The following NCKAP5 variants were observed in gnomAD, a reference collection of about 807,000 sequenced individuals.
NCKAP5 encodes NCK associated protein 5, also known as nck-associated protein 5.
A neutral mutation model predicts 167.0 loss-of-function variants in NCKAP5; 92 were observed. The ratio of observed to expected loss-of-function variants is 0.55; its 90% CI spans 0.47 to 0.66. The LOEUF (loss-of-function observed/expected upper bound fraction) is 0.66, where lower values mean the gene tolerates loss of function less well. NCKAP5 is among the 30% of genes least tolerant of loss of function. The pLI is 0.00. For missense variants in NCKAP5, 2,378 were observed against 2,315.0 expected, an observed-to-expected ratio of 1.03 and a Z score of -0.56; for synonymous variants, 891 against 877.4, an observed-to-expected ratio of 1.02 and a Z score of -0.27.
At chr2:133,100,980 A>G (rs533247229) in intron 6 of NCKAP5, among the ~76,000 whole-genome samples, 2,291 of 152,004 alleles carry the variant, frequency 0.015, 73 homozygotes, top group African/African-American at 0.053. Context: ...CCTTGCCCAC[A>G]CCTATGTCCT....
chr2:133,605,494 C>T, the NCKAP5 span, among the ~76,000 whole-genome samples: 1 of 152,080 alleles, frequency 6.6e-6, no homozygotes, highest in African/African-American at 2.4e-5. Flanking sequence ...GGGGAAGGGA[C>T]ACAGAGGAGA....
intron 5 of NCKAP5, among the ~76,000 whole-genome samples, chr2:133,185,916 T>G (rs2084927587): frequency 6.6e-6 from 1 of 152,126 alleles, no homozygotes; most frequent in South Asian, 2.1e-4. Flanking sequence ...GAGAGATAGT[T>G]TGACTTCTTC....
At chr2:133,607,708 A>C in the NCKAP5 span, among the ~76,000 whole-genome samples, 8 of 152,304 alleles carry the variant, frequency 5.3e-5, no homozygotes, top group Admixed American at 2.6e-4. Flanking sequence ...AAAAAGCTCA[A>C]CCCTTTGATT....
Position 132,794,300 on chromosome 2 carries a change from AGAGAGAGG to A in NCKAP5, c.909+2320_909+2327del, listed in dbSNP as rs1181441454. ...GAGAGAGAGAGAGAGAGAGAGAGAGAGAGAGAGGGTGGCGGGAAGAGAGAGAGAAAGAG... is the reference window on the plus strand; with the variant it reads ...GAGAGAGAGAGAGAGAGAGAGAGAGAGTGGCGGGAAGAGAGAGAGAAAGAG... On this transcript the variant is annotated intron_variant, in intron 12 of 19. Coordinates refer to ENST00000409261, the MANE Select transcript of NCKAP5 (RefSeq NM_207363.3). Among the ~76,000 whole-genome samples the A allele has an allele frequency of 9.6e-4, 115 of 119,474 alleles. 1 individual carries two copies. The highest frequency in any genetic ancestry group is 3.0e-3 in the East Asian group (13 of 4,296). The allele number at this position is 119,474 out of a possible 152,430, so 78.4% of individuals were successfully genotyped here.
At chr2:132,696,678 T>C (rs1687346949) in intron 19 of NCKAP5, among the ~76,000 whole-genome samples, 1 of 152,130 alleles carries the variant, frequency 6.6e-6, no homozygotes, top group South Asian at 2.1e-4. Context: ...GGCTTAAATG[T>C]AGACAGATTA....
intron 3 of NCKAP5, among the ~76,000 whole-genome samples, chr2:133,389,780 T>C (rs1445067077): frequency 1.3e-5 from 2 of 152,194 alleles, no homozygotes; most frequent in Non-Finnish European, 2.9e-5. Context: ...TCCCTCTCCT[T>C]TGCCAGAAGA....
At chr2:133,378,305 G>GA (rs923184243) in intron 3 of NCKAP5, among the ~76,000 whole-genome samples, 22 of 151,784 alleles carry the variant, frequency 1.4e-4, no homozygotes, top group African/African-American at 2.9e-4. Flanking sequence ...TCCATGGAAT[G>GA]AAAAAAAACT....
chr2:132,761,326 A>C (rs144042488), intron 16 of NCKAP5, among the ~76,000 whole-genome samples: 128 of 152,328 alleles, frequency 8.4e-4, no homozygotes, highest in African/African-American at 3.0e-3. Context: ...CAAAGTCTGA[A>C]GAGTTTCCCA....
intron 16 of NCKAP5, among the ~76,000 whole-genome samples, chr2:132,766,234 C>T (rs1048168748): frequency 1.2e-4 from 16 of 137,734 alleles, no homozygotes; most frequent in South Asian, 2.3e-4. Context: ...GAGCTGAGAT[C>T]GCACCACTAC....
At chr2:133,178,504 CAAAAAAAAAAAAAAAAAAAAAA>C (rs869253241) in intron 5 of NCKAP5, among the ~76,000 whole-genome samples, 6 of 23,942 alleles carry the variant, frequency 2.5e-4, no homozygotes, top group East Asian at 1.1e-3. Context: ...GACCCTGTCT[CAAAAAAAAAAAAAAAAAAAAAA>C]AAAAAAAAAA....
intron 6 of NCKAP5, among the ~76,000 whole-genome samples, chr2:133,091,906 A>G (rs1350497118): frequency 2.0e-5 from 3 of 152,084 alleles, no homozygotes; most frequent in African/African-American, 7.2e-5. Flanking sequence ...TAAATAAATA[A>G]AGATGCTTGT....
At chr2:132,733,171 A>C (rs1290773761) in intron 16 of NCKAP5, among the ~76,000 whole-genome samples, 1 of 152,222 alleles carries the variant, frequency 6.6e-6, no homozygotes, top group Non-Finnish European at 1.5e-5. Context: ...GGTGTGGTTT[A>C]TCAAGGCCAA....
chr2:133,571,132 T>A (rs368505018), upstream of NCKAP5, among the ~76,000 whole-genome samples: 4 of 152,162 alleles, frequency 2.6e-5, no homozygotes, highest in East Asian at 5.8e-4. Context: ...TACTTCATAG[T>A]GAGAAGATAT....
chr2:132,882,431 C>T (rs935289695), intron 8 of NCKAP5, among the ~76,000 whole-genome samples: 8 of 152,178 alleles, frequency 5.3e-5, no homozygotes, highest in Middle Eastern at 3.4e-3. Context: ...TTAGTATCTT[C>T]CTTTTTGTAT....
chr2:132,688,120 A>G (rs992959382), intron 19 of NCKAP5, among the ~76,000 whole-genome samples: 2 of 152,174 alleles, frequency 1.3e-5, no homozygotes, highest in African/African-American at 4.8e-5. Flanking sequence ...TAAGAAATAT[A>G]CCATTTTATA....
intron 8 of NCKAP5, 97 bp downstream of exon 8, chr2:132,963,623 A>G: frequency 7.7e-7 from 1 of 1,290,948 alleles, no homozygotes; most frequent in Non-Finnish European, 1.1e-6. Flanking sequence ...GGAGAACTCA[A>G]AAGGGAAGAT....
Position 133,316,918 on chromosome 2 carries a change from T to C in NCKAP5, c.70-13808A>G, listed in dbSNP as rs1681647048. Among the ~76,000 whole-genome samples the C allele has an allele frequency of 2.0e-5, 3 of 152,172 alleles. No homozygotes were observed. The South Asian group carries it at 6.2e-4, about 32-fold the overall frequency. On this transcript the variant is annotated intron_variant, in intron 3 of 19. Coordinates refer to ENST00000409261, the MANE Select transcript of NCKAP5 (RefSeq NM_207363.3). ...AGAAACACTAGCTCTATCTTGTTGC[T>C]TCTCCTCCAACAAAAAGGCAGCAGA...
At chr2:133,125,225 T>A (rs2082366262) in intron 6 of NCKAP5, among the ~76,000 whole-genome samples, 1 of 152,050 alleles carries the variant, frequency 6.6e-6, no homozygotes, top group Admixed American at 6.6e-5. Flanking sequence ...CTACCTTTTT[T>A]TTTTTTTTTG....
chr2:133,609,404 T>C, the NCKAP5 span, among the ~76,000 whole-genome samples: 1 of 152,358 alleles, frequency 6.6e-6, no homozygotes, highest in East Asian at 1.9e-4. Context: ...ATGAGTTTAA[T>C]TGCACCTTAT....
Sources: gnomAD v4.1 joint callset for allele counts (sites outside exome capture counted in the v4.1 genomes callset) on GRCh38, gnomAD v4.1.1 for gene constraint, MANE v1.5 for transcripts, NCBI Gene and HGNC (gene_info 2026-07-23, HGNC 2026-07-21) for gene names.